Variants in CSF2RB observed in about 807,000 individuals in gnomAD.
The protein encoded by CSF2RB is colony stimulating factor 2 receptor subunit beta.
CSF2RB carries 22 observed loss-of-function variants against 67.2 expected under a neutral mutation model. That is an observed-to-expected ratio of 0.33 (90% CI 0.23 to 0.47). The LOEUF (loss-of-function observed/expected upper bound fraction) is 0.47, where lower values mean the gene tolerates loss of function less well. CSF2RB is among the 20% of genes least tolerant of loss of function. The pLI is 1.00. For synonymous variants in CSF2RB, 507 were observed against 482.9 expected, an observed-to-expected ratio of 1.05 and a Z score of -0.65; for missense variants, 1,113 against 1,174.5, an observed-to-expected ratio of 0.95 and a Z score of 0.76.
chr22:36,937,293 CT>C lies in CSF2RB; in HGVS notation c.1569-83del. 11 of 1,533,728 alleles carry C rather than the reference CT, an allele frequency of 7.2e-6. No individual in the cohort carries two copies. Among genetic ancestry groups the C allele is most frequent in the Non-Finnish European group, 9.8e-6 (11 of 1,121,412 alleles). On this transcript the variant is annotated intron_variant, in intron 13 of 13. Coordinates refer to ENST00000403662, the MANE Select transcript of CSF2RB (RefSeq NM_000395.3). This position sits in a 1 kb window ranked among gnomAD's most constrained non-coding sequence, Gnocchi z 4.6. Reference sequence around the variant, plus strand: ...GACATCAGGGCTTCCAGAGAACCATCTCCACCCCACCAAGACCCTTGTGCCT... The same window carrying C: ...GACATCAGGGCTTCCAGAGAACCATCCCACCCCACCAAGACCCTTGTGCCT...
chr22:36,938,394 C>G lies in CSF2RB; in HGVS notation c.2586C>G (p.Gly862=). Residue 862 remains glycine, a synonymous_variant, in exon 14 of 14, where the codon GGC becomes GGG. Coordinates refer to ENST00000403662, the MANE Select transcript of CSF2RB (RefSeq NM_000395.3). ...DQAFQVKKPP[G]QAVPQVPVIQ... is the part of the protein sequence containing the mutation. Reference sequence around the variant, plus strand: ...CTTTTCAAGTCAAGAAGCCCCCAGGCCAGGCTGTGCCCCAGGTGCCCGTCA... The same window carrying G: ...CTTTTCAAGTCAAGAAGCCCCCAGGGCAGGCTGTGCCCCAGGTGCCCGTCA... 3 of 1,614,204 alleles carry G rather than the reference C, an allele frequency of 1.9e-6. No individual in the cohort carries two copies. Among genetic ancestry groups the G allele is most frequent in the Non-Finnish European group, 1.7e-6 (2 of 1,180,022 alleles).
At chr22:36,922,626 G>T in intron 2 of CSF2RB, 1 of 454,036 alleles carries the variant, frequency 2.2e-6, no homozygotes, top group Non-Finnish European at 4.1e-6. Context: ...CCCACCTCCG[G>T]GACTTTGCTC....
At chr22:36,914,000 C>T (rs1940654355) in intron 1 of CSF2RB, among the ~76,000 whole-genome samples, 1 of 151,946 alleles carries the variant, frequency 6.6e-6, no homozygotes, top group Admixed American at 6.6e-5. Flanking sequence ...AGAGCTCAGG[C>T]CTGGGAGTCA....
intron 2 of CSF2RB, among the ~76,000 whole-genome samples, 170 bp downstream of exon 2, chr22:36,922,453 A>G (rs1940900305): frequency 6.6e-6 from 1 of 151,236 alleles, no homozygotes. Flanking sequence ...CTCCTCCTGC[A>G]CATTCCTGCT....
rs1941318858 is a variant in CSF2RB, at chr22:36,938,284, C to T, written c.2476C>T (p.Pro826Ser). ...LQQVGDYCFLPGLGPGPLSLR... is the reference protein window; with the variant it reads ...LQQVGDYCFLSGLGPGPLSLR... ...GCAAGTGGGCGACTATTGCTTCCTCCCCGGCCTGGGGCCCGGCCCTCTCTC... is the reference window on the plus strand; with the variant it reads ...GCAAGTGGGCGACTATTGCTTCCTCTCCGGCCTGGGGCCCGGCCCTCTCTC... The change falls in exon 14 of 14, where the codon CCC (proline) becomes TCC (serine). Residue 826 changes from proline to serine, a missense_variant. Coordinates refer to ENST00000403662, the MANE Select transcript of CSF2RB (RefSeq NM_000395.3). The T allele has an allele frequency of 1.2e-6, 2 of 1,614,108 alleles. No homozygotes were observed. Among genetic ancestry groups the T allele is most frequent in the African/African-American group, 1.3e-5 (1 of 74,948 alleles).
At chr22:36,923,904 G>C in intron 3 of CSF2RB, 2 of 720,576 alleles carry the variant, frequency 2.8e-6, no homozygotes, top group Non-Finnish European at 4.1e-6. Flanking sequence ...GCTCTCCCAG[G>C]CCCCCCCTCC....
chr22:36,914,304 G>A (rs1251436844), intron 1 of CSF2RB, among the ~76,000 whole-genome samples: 1 of 152,026 alleles, frequency 6.6e-6, no homozygotes, highest in African/African-American at 2.4e-5. Flanking sequence ...CCCAGAGCTG[G>A]GTGCGGTGTG....
chr22:36,935,855 G>A (rs774629866), intron 12 of CSF2RB, among the ~76,000 whole-genome samples, 168 bp downstream of exon 12: 9 of 152,170 alleles, frequency 5.9e-5, no homozygotes, highest in Admixed American at 2.0e-4. Flanking sequence ...ATTCATTCCC[G>A]GGATTCCCTG....
chr22:36,935,495 G>A (rs1941248068), intron 11 of CSF2RB, 54 bp downstream of exon 11: 1 of 1,607,700 alleles, frequency 6.2e-7, no homozygotes, highest in African/African-American at 1.3e-5. Flanking sequence ...GAGGGCACTG[G>A]GGAATCCCAC....
chr22:36,917,661 C>A (rs111284844), intron 1 of CSF2RB, among the ~76,000 whole-genome samples: 2,852 of 152,210 alleles, frequency 0.019, 98 homozygotes, highest in African/African-American at 0.066. Context: ...CAGTGGCTCA[C>A]GCCTGTAATC....
At chr22:36,916,732 A>G (rs1276023780) in intron 1 of CSF2RB, among the ~76,000 whole-genome samples, 1 of 152,086 alleles carries the variant, frequency 6.6e-6, no homozygotes, top group Non-Finnish European at 1.5e-5. Context: ...GGTGGTGTGC[A>G]CCTGTAATCC....
At chr22:36,935,832 C>A in intron 12 of CSF2RB, 145 bp downstream of exon 12, 1 of 906,450 alleles carries the variant, frequency 1.1e-6, no homozygotes. Flanking sequence ...GGGAGTGGGG[C>A]CAGCACTTGG....
chr22:36,930,182 A>C (rs543184706), intron 6 of CSF2RB, among the ~76,000 whole-genome samples, 193 bp from the exon 7 acceptor site: 1 of 151,632 alleles, frequency 6.6e-6, no homozygotes. Context: ...GAGGGCGTGC[A>C]GGTGCACAGA....
intron 9 of CSF2RB, among the ~76,000 whole-genome samples, chr22:36,933,316 G>A (rs375175096): frequency 6.6e-6 from 1 of 152,170 alleles, no homozygotes; most frequent in Non-Finnish European, 1.5e-5. Flanking sequence ...CCCAGGCCAG[G>A]GCTCGGTCCC....
rs757564084 is a variant in CSF2RB, at chr22:36,935,418, C to T, written c.1383C>T (p.Arg461=). 1 of 1,614,108 alleles carries T rather than the reference C, an allele frequency of 6.2e-7. No individual in the cohort carries two copies. Among genetic ancestry groups the T allele is most frequent in the Admixed American group, 1.7e-5 (1 of 60,008 alleles). ...FLTIAVLLAL[R]FCGIYGYRLR... is the part of the protein sequence containing the mutation. ...CCATCGCTGTGCTCCTGGCCCTCCG[C>T]TTCTGTGGCATCTACGGGTACAGGT... The change falls in exon 11 of 14, where the codon CGC becomes CGT. Residue 461 remains arginine, a synonymous_variant. Coordinates refer to ENST00000403662, the MANE Select transcript of CSF2RB (RefSeq NM_000395.3).
rs983409262 is a variant in CSF2RB, at chr22:36,939,020, G to A, written c.*518G>A. The A allele has an allele frequency of 3.9e-5, 25 of 638,740 alleles. No individual in the cohort carries two copies. Among genetic ancestry groups the A allele is most frequent in the Admixed American group, 3.1e-4 (13 of 42,208 alleles). 39.6% of individuals were successfully genotyped at this position (638,740 alleles called of 1,614,324 possible). A position where few individuals can be genotyped will look rare whatever the true frequency, so the allele number is the denominator to read the frequency against. On this transcript the variant is annotated 3_prime_UTR_variant, in exon 14 of 14. Transcript: ENST00000403662. ...GGTGGGAGGCACCAGGTGGGCACCC[G>A]TGGGGGTTAGGGCTTGGAAGAGTGG...
In CSF2RB at chr22:36,939,574, G is replaced by T; in HGVS notation, c.*1072G>T. On this transcript the variant is annotated 3_prime_UTR_variant, in exon 14 of 14. Transcript: ENST00000403662. ...TAATGGCATTAAATTGCTTTAATTT[G>T]CATTATTTTAGTTATCCAGTTTGCA... 1 of 260,848 alleles carries T rather than the reference G, an allele frequency of 3.8e-6. No homozygotes were observed. The highest frequency in any genetic ancestry group is 7.5e-6 in the Non-Finnish European group (1 of 132,944). 16.2% of individuals were successfully genotyped at this position (260,848 alleles called of 1,614,324 possible).
rs1941331072 is a variant in CSF2RB at position 36,938,852 on chromosome 22, A to G, written c.*350A>G. On this transcript the variant is annotated 3_prime_UTR_variant, in exon 14 of 14. Transcript: ENST00000403662. ...TGCCATTTTTCTTCCTTCTTTTTTC[A>G]CTGATTTATTATGAGAGTGGGGCTG... 7.7e-6 allele frequency: 4 copies of G among 519,214 alleles called. No homozygotes were observed. The highest frequency in any genetic ancestry group is 1.4e-5 in the Non-Finnish European group (4 of 295,892). 32.2% of individuals were successfully genotyped at this position (519,214 alleles called of 1,614,324 possible). A position where few individuals can be genotyped will look rare whatever the true frequency, so the allele number is the denominator to read the frequency against.
intron 1 of CSF2RB, among the ~76,000 whole-genome samples, chr22:36,919,254 T>C (rs1940794628): frequency 6.6e-6 from 1 of 152,248 alleles, no homozygotes; most frequent in South Asian, 2.1e-4. Context: ...CTCCACCCCC[T>C]GCTTCTGAAT....
Sources: allele counts gnomAD v4.1 joint callset (sites outside exome capture counted in the v4.1 genomes callset), GRCh38; gene constraint gnomAD v4.1.1; non-coding constraint Gnocchi (gnomAD v3.1); transcripts MANE v1.5; gene names NCBI Gene and HGNC (gene_info 2026-07-23, HGNC 2026-07-21).